The following ARGLU1 variants were observed in gnomAD, a reference collection of about 807,000 sequenced individuals.
The protein encoded by ARGLU1 is arginine and glutamate rich 1, also known as arginine and glutamate-rich protein 1.
ARGLU1 carries 9 observed loss-of-function variants against 37.6 expected under a neutral mutation model. That is an observed-to-expected ratio of 0.24 (90% CI 0.14 to 0.42). ARGLU1 has a LOEUF of 0.42. ARGLU1 is among the 10% of genes least tolerant of loss of function. ARGLU1 has a pLI of 1.00. For synonymous variants in ARGLU1, 166 were observed against 138.5 expected (o/e 1.20, Z -1.39); for missense variants, 211 against 359.2 (o/e 0.59, Z 3.34).
chr13:106,565,079 T>C (rs957147268), intron 1 of ARGLU1, among the ~76,000 whole-genome samples: 3 of 152,200 alleles, frequency 2.0e-5, no homozygotes, highest in African/African-American at 7.2e-5. Context: ...ACCTCTTAGT[T>C]TCCATCCTAC....
intron 1 of ARGLU1, among the ~76,000 whole-genome samples, chr13:106,564,620 C>A (rs1213331623): frequency 6.6e-6 from 1 of 152,162 alleles, no homozygotes; most frequent in Non-Finnish European, 1.5e-5. Flanking sequence ...CAAATACAGG[C>A]ATGTCCTAAG....
intron 1 of ARGLU1, among the ~76,000 whole-genome samples, chr13:106,561,388 G>A (rs1880795716): frequency 6.6e-6 from 1 of 150,966 alleles, no homozygotes; most frequent in Non-Finnish European, 1.5e-5. Flanking sequence ...ATAATAATCT[G>A]CCTTTGTGAA....
At chr13:106,558,518 A>G (rs2138972496) in intron 2 of ARGLU1, 6 of 985,464 alleles carry the variant, frequency 6.1e-6, no homozygotes, top group African/African-American at 1.7e-5. Context: ...ATTCATATTC[A>G]TTATGCAAAC....
chr13:106,541,954 T>C lies in ARGLU1; in HGVS notation c.*2042A>G, dbSNP rs1337605801. 1 of 152,128 alleles carries C rather than the reference T, an allele frequency of 6.6e-6. No individual in the cohort carries two copies. The highest frequency in any genetic ancestry group is 2.4e-5 in the African/African-American group (1 of 41,430). 9.4% of individuals were successfully genotyped at this position (152,128 alleles called of 1,614,324 possible). On this transcript the variant is annotated 3_prime_UTR_variant, in exon 4 of 4. Transcript: ENST00000400198. ...TTGTTGCAGCACATTAAAGACTGGATGGTGTATATTATTCACAATTACATC... is the reference window on the plus strand; with the variant it reads ...TTGTTGCAGCACATTAAAGACTGGACGGTGTATATTATTCACAATTACATC...
chr13:106,566,712 TA>T (rs911067048), intron 1 of ARGLU1, among the ~76,000 whole-genome samples: 1 of 152,158 alleles, frequency 6.6e-6, no homozygotes, highest in African/African-American at 2.4e-5. Flanking sequence ...AAACACACTC[TA>T]ACTCTAGTTT....
At chr13:106,546,381 CCTCTT>C (rs972265211) in intron 3 of ARGLU1, among the ~76,000 whole-genome samples, 5 of 152,172 alleles carry the variant, frequency 3.3e-5, no homozygotes, top group African/African-American at 1.2e-4. Flanking sequence ...TGTTTCTACT[CCTCTT>C]CTAAATTCTC....
intron 1 of ARGLU1, among the ~76,000 whole-genome samples, chr13:106,563,252 C>A (rs1406574973): frequency 6.6e-6 from 1 of 152,122 alleles, no homozygotes; most frequent in Non-Finnish European, 1.5e-5. Flanking sequence ...GCTTTATATA[C>A]CATGTCATCA....
chr13:106,558,086 A>G (rs1880701464), intron 2 of ARGLU1: 2 of 985,284 alleles, frequency 2.0e-6, no homozygotes, highest in Non-Finnish European at 2.4e-6. Flanking sequence ...AATGATTTTA[A>G]TATTTGGAAA....
intron 1 of ARGLU1, among the ~76,000 whole-genome samples, 164 bp from the exon 2 acceptor site, chr13:106,559,821 T>C (rs891614985): frequency 1.3e-5 from 2 of 152,230 alleles, no homozygotes; most frequent in African/African-American, 4.8e-5. Flanking sequence ...GATACCAAGA[T>C]GTTAACTGAT....
Position 106,557,852 on chromosome 13 carries a change from T to A in ARGLU1, c.574-721A>T, listed in dbSNP as rs570963972. On this transcript the variant is annotated intron_variant, in intron 2 of 3. Transcript: ENST00000400198. The surrounding 1 kb of genome is among the most constrained non-coding windows in gnomAD (Gnocchi z 5.0). The stretch of plus-strand genomic sequence containing the variant: ...TTCATGGAACTACGGGCTTCTTCCA[T>A]GGGGAAAATGGACTTAACATTCAGA... 1.2e-5 allele frequency: 12 copies of A among 985,432 alleles called. No individual in the cohort carries two copies. The South Asian group carries it at 5.6e-4, about 46-fold the overall frequency. The allele number at this position is 985,432 out of a possible 1,614,324, so 61.0% of individuals were successfully genotyped here.
chr13:106,552,068 T>C (rs963401408), intron 3 of ARGLU1, among the ~76,000 whole-genome samples: 30 of 152,348 alleles, frequency 2.0e-4, no homozygotes, highest in Non-Finnish European at 1.9e-4. Context: ...CAGCCTATCA[T>C]ACAAACTCAT....
Position 106,545,875 on chromosome 13 carries a change from C to G in ARGLU1, c.658-1715G>C, listed in dbSNP as rs189104356. ...AGAGCTAAAATGTATCTTTAAGATA[C>G]AGCTCTCTAAAACCTTTTTCCTATG... On this transcript the variant is annotated intron_variant, in intron 3 of 3. Transcript: ENST00000400198. Among the ~76,000 whole-genome samples, 50 of 152,280 alleles carry G rather than the reference C, an allele frequency of 3.3e-4. 1 individual carries two copies. The East Asian group carries it at 9.1e-3, about 28-fold the overall frequency.
At chr13:106,550,699 T>C (rs772351923) in intron 3 of ARGLU1, among the ~76,000 whole-genome samples, 2 of 152,152 alleles carry the variant, frequency 1.3e-5, no homozygotes, top group Non-Finnish European at 2.9e-5. Flanking sequence ...AAATCAAAAG[T>C]GTTGGCAGGG....
chr13:106,549,439 C>T (rs1293493676), intron 3 of ARGLU1, among the ~76,000 whole-genome samples: 1 of 151,942 alleles, frequency 6.6e-6, no homozygotes, highest in Non-Finnish European at 1.5e-5. Context: ...CTTTAGATAA[C>T]CAATGAATAA....
At chr13:106,556,380 C>T (rs956746511) in intron 3 of ARGLU1, among the ~76,000 whole-genome samples, 5 of 152,128 alleles carry the variant, frequency 3.3e-5, no homozygotes, top group Admixed American at 6.5e-5. Flanking sequence ...ACAACTGCCC[C>T]GTATTAACTT....
chr13:106,549,696 C>A (rs998238663), intron 3 of ARGLU1, among the ~76,000 whole-genome samples: 1 of 152,150 alleles, frequency 6.6e-6, no homozygotes, highest in Non-Finnish European at 1.5e-5. Flanking sequence ...ACTCCCTTTA[C>A]CCCCTTTTAT....
At chr13:106,545,941 A>ACT (rs1468960855) in intron 3 of ARGLU1, among the ~76,000 whole-genome samples, 1 of 152,158 alleles carries the variant, frequency 6.6e-6, no homozygotes, top group Admixed American at 6.5e-5. Context: ...CACCTGGGAG[A>ACT]CCTAGGACTT....
Position 106,542,285 on chromosome 13 carries a change from A to C in ARGLU1, c.*1711T>G, listed in dbSNP as rs1880282150. On this transcript the variant is annotated 3_prime_UTR_variant, in exon 4 of 4. Coordinates refer to ENST00000400198, the MANE Select transcript of ARGLU1 (RefSeq NM_018011.4). ...CAGAACTTAGGAACCATGAATCTTC[A>C]CCAAAAAAAGTTACATTGAAAAAAA... 1 of 151,884 alleles carries C rather than the reference A, an allele frequency of 6.6e-6. No homozygotes were observed. 9.4% of individuals were successfully genotyped at this position (151,884 alleles called of 1,614,324 possible).
At chr13:106,565,115 C>T (rs1019404475) in intron 1 of ARGLU1, among the ~76,000 whole-genome samples, 18 of 152,208 alleles carry the variant, frequency 1.2e-4, no homozygotes, top group Non-Finnish European at 2.5e-4. Flanking sequence ...AAAAAGGCAC[C>T]ATGTCATTCA....
Sources: gnomAD v4.1 joint callset for allele counts (sites outside exome capture counted in the v4.1 genomes callset) on GRCh38, gnomAD v4.1.1 for gene constraint, Gnocchi (gnomAD v3.1) non-coding constraint, MANE v1.5 for transcripts, NCBI Gene and HGNC (gene_info 2026-07-23, HGNC 2026-07-21) for gene names.